The following CNBD1 variants were observed in gnomAD, a reference collection of about 807,000 sequenced individuals.
CNBD1 encodes cyclic nucleotide binding domain containing 1.
A neutral mutation model predicts 54.4 loss-of-function variants in CNBD1; 71 were observed. That is an observed-to-expected ratio of 1.30 (90% CI 1.08 to 1.59). CNBD1 has a LOEUF of 1.59. CNBD1 is among the 40% of genes most tolerant of loss of function. CNBD1 has a pLI of 0.00. For synonymous variants in CNBD1, 182 were observed against 170.7 expected, an observed-to-expected ratio of 1.07 and a Z score of -0.51; for missense variants, 659 against 518.0, an observed-to-expected ratio of 1.27 and a Z score of -2.64.
chr8:87,275,373 C>T (rs991303151), intron 6 of CNBD1, among the ~76,000 whole-genome samples: 3 of 151,658 alleles, frequency 2.0e-5, no homozygotes, highest in Non-Finnish European at 2.9e-5. Flanking sequence ...GGCAGTATGG[C>T]CATTTTCACG....
At chr8:86,896,083 C>CATAAGATAGGGGT (rs1403889483) in intron 2 of CNBD1, among the ~76,000 whole-genome samples, 1 of 151,916 alleles carries the variant, frequency 6.6e-6, no homozygotes, top group Middle Eastern at 3.2e-3. Flanking sequence ...TTGTGTATGG[C>CATAAGATAGGGGT]ATAAGATAGG....
intron 3 of CNBD1, among the ~76,000 whole-genome samples, chr8:86,926,222 C>T (rs988456403): frequency 4.6e-5 from 7 of 152,208 alleles, no homozygotes; most frequent in African/African-American, 2.4e-5. Context: ...TCTCCCCTCT[C>T]AACTGCTGTT....
At chr8:87,056,062 A>C (rs1364131326) in intron 4 of CNBD1, among the ~76,000 whole-genome samples, 1 of 152,148 alleles carries the variant, frequency 6.6e-6, no homozygotes, top group African/African-American at 2.4e-5. Flanking sequence ...CAATCAATGT[A>C]GTAAGTCCTA....
chr8:87,252,255 G>A (rs1807931168), intron 6 of CNBD1, among the ~76,000 whole-genome samples: 1 of 152,064 alleles, frequency 6.6e-6, no homozygotes. Flanking sequence ...GAAGCAAAGT[G>A]CACTTTCCCT....
intron 3 of CNBD1, among the ~76,000 whole-genome samples, chr8:86,916,978 C>T (rs941888538): frequency 3.3e-5 from 5 of 151,086 alleles, no homozygotes; most frequent in African/African-American, 9.7e-5. Context: ...TCTAGTGATT[C>T]TCATGCCCCA....
At chr8:87,241,277 T>C (rs1019387361) in intron 6 of CNBD1, among the ~76,000 whole-genome samples, 2 of 141,578 alleles carry the variant, frequency 1.4e-5, no homozygotes, top group Admixed American at 7.0e-5. Flanking sequence ...GATTTTTTTT[T>C]TTTTTTTTTT....
At chr8:86,926,742 C>T (rs933363400) in intron 3 of CNBD1, among the ~76,000 whole-genome samples, 4 of 152,154 alleles carry the variant, frequency 2.6e-5, no homozygotes, top group Non-Finnish European at 5.9e-5. Context: ...GTCACCGCTG[C>T]CAAAGACTCC....
chr8:87,273,536 C>T (rs540609464), intron 6 of CNBD1, among the ~76,000 whole-genome samples: 1 of 152,028 alleles, frequency 6.6e-6, no homozygotes, highest in Admixed American at 6.6e-5. Flanking sequence ...GGTTATCAGC[C>T]AAACTGTGCT....
At chr8:87,048,627 A>G (rs1315212221) in intron 4 of CNBD1, among the ~76,000 whole-genome samples, 1 of 152,124 alleles carries the variant, frequency 6.6e-6, no homozygotes, top group African/African-American at 2.4e-5. Flanking sequence ...TATCTCATTA[A>G]TTAGTACTCT....
At chr8:87,120,703 A>T (rs947296991) in intron 4 of CNBD1, among the ~76,000 whole-genome samples, 3 of 151,780 alleles carry the variant, frequency 2.0e-5, no homozygotes, top group African/African-American at 7.3e-5. Context: ...TATTGCTATA[A>T]ACTTCCCTGT....
At chr8:87,311,375 A>G (rs753938161) in intron 8 of CNBD1, among the ~76,000 whole-genome samples, 13 of 152,176 alleles carry the variant, frequency 8.5e-5, no homozygotes, top group Non-Finnish European at 1.8e-4. Context: ...TATCAGAGAA[A>G]TGCAAATCAA....
intron 4 of CNBD1, among the ~76,000 whole-genome samples, chr8:86,948,084 C>T (rs1807510393): frequency 1.3e-5 from 2 of 152,066 alleles, no homozygotes; most frequent in Non-Finnish European, 1.5e-5. Flanking sequence ...TTGCAAATAA[C>T]AGGATCTCAT....
chr8:87,018,739 C>G (rs1193203059), intron 4 of CNBD1, among the ~76,000 whole-genome samples: 1 of 151,456 alleles, frequency 6.6e-6, no homozygotes, highest in Non-Finnish European at 1.5e-5. Context: ...TGCTAATGCT[C>G]TGTTGCTAAA....
At chr8:87,422,474 T>C (rs1413779350) in intron 2 of CNBD1, among the ~76,000 whole-genome samples, 2 of 151,512 alleles carry the variant, frequency 1.3e-5, no homozygotes, top group Non-Finnish European at 2.9e-5. Flanking sequence ...AGGGATTCAG[T>C]TTCAGCTTTC....
intron 4 of CNBD1, among the ~76,000 whole-genome samples, chr8:87,171,473 G>A (rs565502255): frequency 4.0e-4 from 60 of 149,584 alleles, no homozygotes; most frequent in African/African-American, 1.3e-3. Flanking sequence ...TTTTTGTTTT[G>A]TTGATCTTTT....
At chr8:87,210,145 T>C (rs996389058) in intron 5 of CNBD1, among the ~76,000 whole-genome samples, 1 of 152,204 alleles carries the variant, frequency 6.6e-6, no homozygotes, top group Admixed American at 6.5e-5. Flanking sequence ...ACAGTATCTG[T>C]AGAAGAAATT....
At chr8:87,173,511 T>G (rs1451641740) in intron 4 of CNBD1, among the ~76,000 whole-genome samples, 1 of 152,200 alleles carries the variant, frequency 6.6e-6, no homozygotes, top group Non-Finnish European at 1.5e-5. Context: ...CGTGAGAAAG[T>G]CTTTATTTCT....
chr8:87,327,251 CT>C (rs1252930306), intron 8 of CNBD1, among the ~76,000 whole-genome samples: 2 of 148,020 alleles, frequency 1.4e-5, no homozygotes, highest in African/African-American at 2.5e-5. Flanking sequence ...TTACTGCTGT[CT>C]TTTTGTTTGT....
intron 4 of CNBD1, among the ~76,000 whole-genome samples, chr8:87,132,651 AG>A (rs1260566056): frequency 2.7e-5 from 4 of 147,722 alleles, no homozygotes; most frequent in Admixed American, 6.8e-5. Flanking sequence ...GATATATGTA[AG>A]ATATATATCT....
Sources: allele counts gnomAD v4.1 joint callset (sites outside exome capture counted in the v4.1 genomes callset), GRCh38; gene constraint gnomAD v4.1.1; transcripts MANE v1.5; gene names NCBI Gene and HGNC (gene_info 2026-07-23, HGNC 2026-07-21).